The following PRKCH variants were observed in gnomAD, a reference collection of about 807,000 sequenced individuals.
PRKCH encodes protein kinase C eta.
PRKCH carries 28 observed loss-of-function variants against 82.5 expected under a neutral mutation model. The ratio of observed to expected loss-of-function variants is 0.34; its 90% CI spans 0.25 to 0.47. The LOEUF (loss-of-function observed/expected upper bound fraction) is 0.47. Ranked by LOEUF, PRKCH falls within the 20% of genes least tolerant of loss-of-function variation. PRKCH has a pLI of 1.00. For missense variants in PRKCH, 705 were observed against 881.8 expected, an observed-to-expected ratio of 0.80 and a Z score of 2.54; for synonymous variants, 322 against 327.4, an observed-to-expected ratio of 0.98 and a Z score of 0.18.
chr14:61,312,957 C>T (rs1365198774), intron 1 of PRKCH, among the ~76,000 whole-genome samples: 1 of 152,158 alleles, frequency 6.6e-6, no homozygotes, highest in Non-Finnish European at 1.5e-5. Flanking sequence ...TGATAATAAA[C>T]ATTTTGTGTA....
intron 12 of PRKCH, among the ~76,000 whole-genome samples, chr14:61,532,179 A>AC (rs1304133725): frequency 6.6e-6 from 1 of 151,386 alleles, no homozygotes; most frequent in East Asian, 2.1e-4. Flanking sequence ...ACTGTAGCTG[A>AC]TTTAGTAGTT....
At chr14:61,314,716 T>C (rs1305400591) in intron 1 of PRKCH, among the ~76,000 whole-genome samples, 1 of 152,240 alleles carries the variant, frequency 6.6e-6, no homozygotes, top group South Asian at 2.1e-4. Flanking sequence ...TCTCCCTGTC[T>C]CCTGGATCTG....
At chr14:61,547,970 C>T (rs897602192) in intron 13 of PRKCH, 84 bp downstream of exon 13, 2 of 1,536,864 alleles carry the variant, frequency 1.3e-6, no homozygotes, top group South Asian at 1.2e-5. Flanking sequence ...AGCTGGATGG[C>T]CCCTGTGGGT....
intron 2 of PRKCH, among the ~76,000 whole-genome samples, chr14:61,413,608 C>T (rs754758592): frequency 5.9e-5 from 9 of 152,074 alleles, no homozygotes; most frequent in East Asian, 5.8e-4. Flanking sequence ...TGCTTCCTCA[C>T]GAACTTTGCT....
intron 1 of PRKCH, among the ~76,000 whole-genome samples, chr14:61,323,634 A>G (rs779008486): frequency 3.9e-5 from 6 of 152,248 alleles, no homozygotes; most frequent in Non-Finnish European, 2.9e-5. Flanking sequence ...TTCTAAAATT[A>G]AAGATGGCTT....
At chr14:61,201,353 TC>T (rs1566778474) in intron 1 of PRKCH, among the ~76,000 whole-genome samples, 1 of 152,186 alleles carries the variant, frequency 6.6e-6, no homozygotes, top group Non-Finnish European at 1.5e-5. Context: ...GTCACACGGC[TC>T]TTCAGTGGCA....
intron 8 of PRKCH, 24 bp downstream of exon 8, chr14:61,457,343 G>C: frequency 6.2e-7 from 1 of 1,612,652 alleles, no homozygotes. Flanking sequence ...TTAACTGTTT[G>C]GGTTGAAGTA....
At chr14:61,435,815 A>G (rs1883652072) in intron 2 of PRKCH, among the ~76,000 whole-genome samples, 2 of 152,192 alleles carry the variant, frequency 1.3e-5, no homozygotes, top group African/African-American at 4.8e-5. Context: ...CAGAAAGACT[A>G]GAAGCATGGT....
chr14:61,270,917 T>G (rs1454073251), intron 1 of PRKCH, among the ~76,000 whole-genome samples: 1 of 152,184 alleles, frequency 6.6e-6, no homozygotes, highest in Non-Finnish European at 1.5e-5. Context: ...AAGGCTGCCG[T>G]GAGCTGTGAT....
chr14:61,454,174 G>T (rs1045299976), intron 7 of PRKCH, among the ~76,000 whole-genome samples: 1 of 150,026 alleles, frequency 6.7e-6, no homozygotes. Context: ...AGTGATATTC[G>T]CTCACTGCAA....
intron 1 of PRKCH, among the ~76,000 whole-genome samples, chr14:61,315,337 G>A (rs540180355): frequency 2.0e-5 from 3 of 152,190 alleles, no homozygotes; most frequent in South Asian, 2.1e-4. Flanking sequence ...CCAAAAATTC[G>A]TCAAATCTCA....
intron 1 of PRKCH, among the ~76,000 whole-genome samples, chr14:61,188,527 C>T (rs995952953): frequency 1.1e-4 from 16 of 147,146 alleles, no homozygotes; most frequent in Admixed American, 1.0e-3. Context: ...CTCCCGGCTC[C>T]GGGGTCCTGC....
chr14:61,469,576 C>A (rs990734454), intron 9 of PRKCH, among the ~76,000 whole-genome samples: 2 of 152,304 alleles, frequency 1.3e-5, no homozygotes, highest in East Asian at 3.9e-4. Context: ...GGGGCTGCCA[C>A]CCCACCCTGA....
intron 13 of PRKCH, 37 bp downstream of exon 13, chr14:61,547,923 T>C (rs368630589): frequency 1.0e-5 from 16 of 1,602,488 alleles, no homozygotes; most frequent in Non-Finnish European, 1.4e-5. Flanking sequence ...CATTCCTTTC[T>C]TCAGATGTCA....
intron 10 of PRKCH, among the ~76,000 whole-genome samples, chr14:61,513,304 T>G (rs2139977808): frequency 6.6e-6 from 1 of 152,312 alleles, no homozygotes; most frequent in South Asian, 2.1e-4. Context: ...GCCAGGTACC[T>G]TGTTCTGGGG....
At chr14:61,348,110 C>T (rs1486139794) in intron 1 of PRKCH, 2 of 152,200 alleles carry the variant, frequency 1.3e-5, no homozygotes, top group Non-Finnish European at 2.9e-5. Flanking sequence ...GTTTTATCAG[C>T]ACCGGTCTCT....
chr14:61,300,041 T>A (rs2140103561), intron 1 of PRKCH, among the ~76,000 whole-genome samples: 1 of 152,338 alleles, frequency 6.6e-6, no homozygotes, highest in African/African-American at 2.4e-5. Flanking sequence ...TTTCTTTCTC[T>A]TATAATCCAA....
chr14:61,210,262 C>T (rs375242075), intron 1 of PRKCH, among the ~76,000 whole-genome samples: 103 of 150,800 alleles, frequency 6.8e-4, no homozygotes, highest in East Asian at 4.3e-3. Flanking sequence ...TACAGTAAGC[C>T]GAGATCGTGC....
At chr14:61,333,980 C>T (rs879511829) in intron 1 of PRKCH, among the ~76,000 whole-genome samples, 2 of 152,090 alleles carry the variant, frequency 1.3e-5, no homozygotes, top group African/African-American at 4.8e-5. Flanking sequence ...TTTTTTGGTC[C>T]TCTCTGGAAT....
Sources: gnomAD v4.1 joint callset for allele counts (sites outside exome capture counted in the v4.1 genomes callset) on GRCh38, gnomAD v4.1.1 for gene constraint, MANE v1.5 for transcripts, NCBI Gene and HGNC (gene_info 2026-07-23, HGNC 2026-07-21) for gene names.